Variants in RGSL1 observed in about 807,000 individuals in gnomAD.
The protein encoded by RGSL1 is regulator of G protein signaling protein-like.
RGSL1 carries 97 observed loss-of-function variants against 124.7 expected under a neutral mutation model. The ratio of observed to expected loss-of-function variants is 0.78; its 90% CI spans 0.66 to 0.92. The LOEUF (loss-of-function observed/expected upper bound fraction) is 0.92. RGSL1 is among the 40% of genes least tolerant of loss of function. RGSL1 has a pLI of 0.00. For missense variants in RGSL1, 1,233 were observed against 1,288.4 expected (o/e 0.96, Z 0.66); for synonymous variants, 424 against 438.1 (o/e 0.97, Z 0.40).
At chr1:182,477,579 CT>C (rs1250757408) in intron 6 of RGSL1, among the ~76,000 whole-genome samples, 3 of 152,300 alleles carry the variant, frequency 2.0e-5, no homozygotes, top group Admixed American at 2.0e-4. Context: ...CTTTTCCAGA[CT>C]GCTAGCAGCC....
At chr1:182,523,852 A>G (rs1658537732) in intron 10 of RGSL1, among the ~76,000 whole-genome samples, 1 of 152,246 alleles carries the variant, frequency 6.6e-6, no homozygotes, top group South Asian at 2.1e-4. Context: ...TTATGATAAC[A>G]TATTAGCTAA....
rs1654091786 is a variant in RGSL1 at position 182,474,176 on chromosome 1, G to A, written c.1065G>A (p.Met355Ile). ...CCATTGTCAATCACTCCTCCAAGATGACAATTCAGAAGGCCATCAAGCAAA... is the reference window on the plus strand; with the variant it reads ...CCATTGTCAATCACTCCTCCAAGATAACAATTCAGAAGGCCATCAAGCAAA... ...VIPIVNHSSK[M>I]TIQKAIKQSF... The change falls in exon 6 of 22, where the codon ATG becomes ATA. Residue 355 changes from methionine (M) to isoleucine (I), a missense_variant. By Grantham distance (10) the Met-to-Ile change is conservative. Coordinates refer to ENST00000294854, the MANE Select transcript of RGSL1 (RefSeq NM_001137669.2). 6.4e-7 allele frequency: 1 copy of A among 1,552,064 alleles called. No homozygotes were observed. Among genetic ancestry groups the A allele is most frequent in the Non-Finnish European group, 8.7e-7 (1 of 1,147,068 alleles).
intron 9 of RGSL1, 115 bp from the exon 10 acceptor site, chr1:182,521,889 T>A (rs1340127465): frequency 2.9e-6 from 2 of 680,392 alleles, no homozygotes; most frequent in African/African-American, 3.6e-5. Context: ...TGGCAGCAGT[T>A]GTGGGGACAG....
chr1:182,558,716 C>G (rs918938769), intron 21 of RGSL1, among the ~76,000 whole-genome samples: 3 of 152,142 alleles, frequency 2.0e-5, no homozygotes, highest in Non-Finnish European at 4.4e-5. Flanking sequence ...CAAGTCCTGC[C>G]CGTTCTTTGA....
intron 10 of RGSL1, among the ~76,000 whole-genome samples, chr1:182,525,353 G>C (rs1486569222): frequency 6.6e-6 from 1 of 151,804 alleles, no homozygotes; most frequent in Admixed American, 6.6e-5. Flanking sequence ...CCAAGCAATA[G>C]GTTCAACAAA....
chr1:182,495,337 C>T (rs1383191224), intron 9 of RGSL1, among the ~76,000 whole-genome samples: 2 of 152,138 alleles, frequency 1.3e-5, no homozygotes, highest in Non-Finnish European at 2.9e-5. Context: ...ATTCTGTCTG[C>T]TTGGTTGTTT....
intron 6 of RGSL1, among the ~76,000 whole-genome samples, chr1:182,479,687 A>C (rs1445700856): frequency 1.3e-5 from 2 of 152,214 alleles, no homozygotes; most frequent in Admixed American, 6.5e-5. Flanking sequence ...CTGCAATCAA[A>C]AGACATTGAG....
chr1:182,475,394 A>C (rs1011944540), intron 6 of RGSL1, among the ~76,000 whole-genome samples: 3 of 152,224 alleles, frequency 2.0e-5, no homozygotes, highest in African/African-American at 7.2e-5. Context: ...TAAGTTGGGT[A>C]ACAGATGAGA....
In RGSL1 at chr1:182,453,842, C is replaced by G. The variant is rs1481460973; in HGVS notation, c.14-116C>G. The G allele has an allele frequency of 7.7e-6, 5 of 650,630 alleles. No homozygotes were observed. The East Asian group carries it at 1.4e-4, about 18-fold the overall frequency. The allele number at this position is 650,630 out of a possible 1,614,324, so 40.3% of individuals were successfully genotyped here. On this transcript the variant is annotated intron_variant, in intron 1 of 21. Transcript: ENST00000294854. ...AAATTGAATTGCATGACCCTAGAGGCTGTCATCATGCTGAGATTTGGCAAC... is the reference window on the plus strand; with the variant it reads ...AAATTGAATTGCATGACCCTAGAGGGTGTCATCATGCTGAGATTTGGCAAC...
intron 9 of RGSL1, among the ~76,000 whole-genome samples, chr1:182,502,109 C>A (rs932600834): frequency 6.6e-6 from 1 of 152,066 alleles, no homozygotes; most frequent in South Asian, 2.1e-4. Flanking sequence ...TAATTTAATT[C>A]TTTTCCCTTT....
At position 182,556,049 on chromosome 1, in the gene RGSL1, G is replaced by C; in HGVS notation, c.3223G>C (p.Glu1075Gln). 1 of 1,551,552 alleles carries C rather than the reference G, an allele frequency of 6.4e-7. No individual in the cohort carries two copies. The highest frequency in any genetic ancestry group is 8.7e-7 in the Non-Finnish European group (1 of 1,146,842). Residue 1075 changes from glutamate (E) to glutamine (Q), a missense_variant, in exon 21 of 22, where the codon GAG (glutamate) becomes CAG (glutamine). By Grantham distance (29) the Glu-to-Gln change is conservative. Transcript: ENST00000294854. ...ACAAAAATTATCCTACATCAAAAAA[G>C]AGAAGTAATCAAGCGAGACCCCCAG... is the stretch of plus-strand genomic sequence containing the variant. ...QGQKLSYIKKEK is the reference protein window; with the variant it reads ...QGQKLSYIKKQK
At chr1:182,486,171 T>A (rs1170368004) in intron 6 of RGSL1, among the ~76,000 whole-genome samples, 2 of 152,206 alleles carry the variant, frequency 1.3e-5, no homozygotes, top group African/African-American at 2.4e-5. Context: ...GGTTTTTAGA[T>A]GCTGTTTTAT....
At chr1:182,503,979 T>TCCC (rs1656605327) in intron 9 of RGSL1, among the ~76,000 whole-genome samples, 2 of 123,514 alleles carry the variant, frequency 1.6e-5, no homozygotes, top group African/African-American at 3.0e-5. Flanking sequence ...AATTTCTTTT[T>TCCC]TTTTTTTTTT....
At chr1:182,470,903 C>T (rs1036923285) in intron 4 of RGSL1, among the ~76,000 whole-genome samples, 11 of 152,080 alleles carry the variant, frequency 7.2e-5, no homozygotes, top group Middle Eastern at 3.2e-3. Context: ...GGAGTATTCA[C>T]AGAGTAAAAT....
upstream of RGSL1, chr1:182,447,897 A>C (rs566113614): frequency 5.9e-5 from 9 of 152,098 alleles, no homozygotes; most frequent in South Asian, 1.9e-3. Context: ...GCCTAAAATG[A>C]GCCATCATGG....
chr1:182,547,724 G>A (rs971129743), intron 15 of RGSL1, among the ~76,000 whole-genome samples: 2 of 152,108 alleles, frequency 1.3e-5, no homozygotes, highest in Non-Finnish European at 2.9e-5. Context: ...AGCCAGGTGT[G>A]GTGGCAGACG....
chr1:182,552,660 T>C (rs1660637906), intron 18 of RGSL1, among the ~76,000 whole-genome samples: 1 of 152,220 alleles, frequency 6.6e-6, no homozygotes, highest in African/African-American at 2.4e-5. Flanking sequence ...ATACCTCATA[T>C]TGGGTAATTC....
intron 21 of RGSL1, among the ~76,000 whole-genome samples, chr1:182,559,169 A>G (rs544992778): frequency 6.6e-6 from 1 of 152,262 alleles, no homozygotes; most frequent in East Asian, 1.9e-4. Context: ...ACCTTCTTAC[A>G]ACGCACTCTC....
At chr1:182,545,846 C>G (rs775750656) in intron 15 of RGSL1, among the ~76,000 whole-genome samples, 115 of 152,176 alleles carry the variant, frequency 7.6e-4, no homozygotes, top group Admixed American at 1.4e-3. Context: ...TTAGGATTCT[C>G]TCTCTGTCCT....
Sources: allele counts gnomAD v4.1 joint callset (sites outside exome capture counted in the v4.1 genomes callset), GRCh38; gene constraint gnomAD v4.1.1; transcripts MANE v1.5; gene names NCBI Gene and HGNC (gene_info 2026-07-23, HGNC 2026-07-21).